The following PREX2 variants were observed in gnomAD, a reference collection of about 807,000 sequenced individuals.
The protein encoded by PREX2 is phosphatidylinositol 3,4,5-trisphosphate-dependent Rac exchanger 2 protein.
Under a neutral mutation model 203.2 loss-of-function variants are expected in PREX2, and 107 were observed. That is an observed-to-expected ratio of 0.53 (90% CI 0.45 to 0.62). PREX2 has a LOEUF of 0.62. Among genes scored for constraint, PREX2 ranks in the 20% least tolerant of loss-of-function variants. The pLI is 0.00. For missense variants in PREX2, 1,777 were observed against 1,955.9 expected (o/e 0.91, Z 1.72); for synonymous variants, 672 against 663.6 (o/e 1.01, Z -0.19).
intron 23 of PREX2, chr8:68,105,248 G>A (rs1333844613): frequency 7.3e-7 from 1 of 1,367,826 alleles, no homozygotes; most frequent in South Asian, 1.1e-5. Context: ...TGACTATGGA[G>A]TTCCTCCTGC....
intron 5 of PREX2, among the ~76,000 whole-genome samples, chr8:68,027,669 G>A (rs565005493): frequency 6.6e-6 from 1 of 152,146 alleles, no homozygotes; most frequent in South Asian, 2.1e-4. Flanking sequence ...TCCACTGCTG[G>A]TATATTTTTG....
intron 1 of PREX2, among the ~76,000 whole-genome samples, chr8:67,959,048 G>A (rs149174784): frequency 1.7e-3 from 255 of 152,306 alleles, no homozygotes; most frequent in African/African-American, 5.5e-3. Flanking sequence ...CATAAGGAGA[G>A]CAATTAGAGG....
At chr8:68,181,440 T>A (rs1003899135) in intron 35 of PREX2, among the ~76,000 whole-genome samples, 6 of 152,136 alleles carry the variant, frequency 3.9e-5, no homozygotes, top group Non-Finnish European at 8.8e-5. Flanking sequence ...ATTGTCTGCC[T>A]TAATATCTTA....
intron 36 of PREX2, 56 bp from the exon 37 acceptor site, chr8:68,192,279 C>T: frequency 2.1e-6 from 3 of 1,399,696 alleles, no homozygotes; most frequent in Non-Finnish European, 2.9e-6. Context: ...ACCAACCTAT[C>T]TAAAAGAATT....
At chr8:68,063,104 T>A (rs1808906287) in intron 11 of PREX2, among the ~76,000 whole-genome samples, 1 of 152,144 alleles carries the variant, frequency 6.6e-6, no homozygotes. Flanking sequence ...AAAGCATCAT[T>A]TAAAAACTTA....
At chr8:68,011,901 CTT>C (rs944263937) in intron 1 of PREX2, among the ~76,000 whole-genome samples, 6 of 152,288 alleles carry the variant, frequency 3.9e-5, no homozygotes, top group Admixed American at 6.5e-5. Context: ...CAAAAACACA[CTT>C]AAGAAAAGAT....
intron 1 of PREX2, among the ~76,000 whole-genome samples, chr8:68,007,068 C>T (rs935111708): frequency 2.0e-5 from 3 of 152,112 alleles, no homozygotes; most frequent in Non-Finnish European, 2.9e-5. Flanking sequence ...ATTCAGCTGT[C>T]GATGGAGCTG....
rs373840952 is a variant in PREX2 at position 68,115,739 on chromosome 8, A to C, written c.3147-14A>C. On this transcript the variant is annotated splice_polypyrimidine_tract_variant and intron_variant, in intron 25 of 39. Transcript: ENST00000288368. The stretch of plus-strand genomic sequence containing the variant: ...GTTTGAAAATGTGCATTTTTTTTTA[A>C]TATTACATTGCAGCCTTCTGTCTTC... 8 of 1,585,686 alleles carry C rather than the reference A, an allele frequency of 5.0e-6. No homozygotes were observed. The highest frequency in any genetic ancestry group is 1.8e-5 in the Admixed American group (1 of 55,188).
chr8:68,181,368 T>C (rs1378853630), intron 35 of PREX2, among the ~76,000 whole-genome samples: 2 of 152,154 alleles, frequency 1.3e-5, no homozygotes, highest in African/African-American at 4.8e-5. Flanking sequence ...TATTCCATTT[T>C]TCCTGGCCTT....
intron 37 of PREX2, among the ~76,000 whole-genome samples, chr8:68,205,782 C>G (rs766777114): frequency 6.6e-6 from 1 of 152,178 alleles, no homozygotes; most frequent in Non-Finnish European, 1.5e-5. Flanking sequence ...TTACACAGAA[C>G]GGTGCATTTT....
In PREX2 at chr8:68,134,292, G is replaced by A. The variant is rs1269821508; in HGVS notation, c.3984+16G>A. The stretch of plus-strand genomic sequence containing the variant: ...ACCAAACTTGGTAAGGAAATCACAT[G>A]ACTCCCACTGTCTGTGTCAACTGTA... On this transcript the variant is annotated intron_variant, in intron 32 of 39. Transcript: ENST00000288368. 6.3e-6 allele frequency: 10 copies of A among 1,579,904 alleles called. No homozygotes were observed. In the East Asian group the frequency reaches 2.2e-4, roughly 35 times the overall value.
At chr8:68,101,473 T>C (rs1283957670) in intron 23 of PREX2, 4 of 518,730 alleles carry the variant, frequency 7.7e-6, no homozygotes, top group Non-Finnish European at 1.5e-5. Flanking sequence ...TCATGACTGC[T>C]GAGTTCAGTT....
Position 68,026,234 on chromosome 8 carries a change from G to A in PREX2, c.442-988G>A, listed in dbSNP as rs147706237. Among the ~76,000 whole-genome samples, 47 of 152,178 alleles carry A rather than the reference G, an allele frequency of 3.1e-4. No homozygotes were observed. In the East Asian group the frequency reaches 7.2e-3, roughly 23 times the overall value. On this transcript the variant is annotated intron_variant, in intron 4 of 39. Coordinates refer to ENST00000288368, the MANE Select transcript of PREX2 (RefSeq NM_024870.4). ...TGACTTGGACACACATATTGAGGCT[G>A]ATATGCAGTTGCTCAGGACAGCAGA...
At chr8:68,009,569 G>T (rs148264650) in intron 1 of PREX2, among the ~76,000 whole-genome samples, 1 of 152,050 alleles carries the variant, frequency 6.6e-6, no homozygotes, top group Admixed American at 6.6e-5. Flanking sequence ...TTAGAAATCC[G>T]TTTTATTTCG....
chr8:68,059,861 T>C (rs376145928), intron 10 of PREX2, among the ~76,000 whole-genome samples: 5 of 152,324 alleles, frequency 3.3e-5, no homozygotes, highest in East Asian at 3.9e-4. Context: ...GCAGGCTGCA[T>C]GTCTTGGTAC....
intron 33 of PREX2, 95 bp from the exon 34 acceptor site, chr8:68,146,114 C>T (rs183402997): frequency 1.0e-5 from 8 of 785,982 alleles, no homozygotes; most frequent in South Asian, 3.6e-5. Context: ...ATATTGGTGT[C>T]GAGTAATTCT....
rs532763206 is a variant in PREX2 at position 68,033,378 on chromosome 8, C to T, written c.705+2720C>T. On this transcript the variant is annotated intron_variant, in intron 6 of 39. Coordinates refer to ENST00000288368, the MANE Select transcript of PREX2 (RefSeq NM_024870.4). Reference sequence around the variant, plus strand: ...GAAATAAGTAAAAGTGCTTTGAATACTGTAAAATGCTATGCAAATATGAAG... The same window carrying T: ...GAAATAAGTAAAAGTGCTTTGAATATTGTAAAATGCTATGCAAATATGAAG... 3.3e-5 allele frequency among the ~76,000 whole-genome samples: 5 copies of T among 152,180 alleles called. No homozygotes were observed. The East Asian group carries it at 7.7e-4, about 24-fold the overall frequency.
chr8:68,193,357 G>C (rs562108239), intron 37 of PREX2, among the ~76,000 whole-genome samples: 5 of 152,262 alleles, frequency 3.3e-5, no homozygotes, highest in Non-Finnish European at 7.4e-5. Context: ...TACATGCACA[G>C]AACATGCAGT....
At chr8:68,062,273 G>T (rs1344249997) in intron 11 of PREX2, among the ~76,000 whole-genome samples, 1 of 152,026 alleles carries the variant, frequency 6.6e-6, no homozygotes, top group Non-Finnish European at 1.5e-5. Flanking sequence ...CTCCACTCCT[G>T]TAGTACACTC....
Sources: gnomAD v4.1 joint callset for allele counts (sites outside exome capture counted in the v4.1 genomes callset) on GRCh38, gnomAD v4.1.1 for gene constraint, MANE v1.5 for transcripts, NCBI Gene and HGNC (gene_info 2026-07-23, HGNC 2026-07-21) for gene names.